The following NEBL variants were observed in gnomAD, a reference collection of about 807,000 sequenced individuals.
NEBL encodes LIM and SH3 protein 2.
In NEBL, 122 loss-of-function variants were observed where a neutral mutation model predicts 140.2. The observed-to-expected ratio is 0.87, with a 90% CI of 0.75 to 1.01. The LOEUF (loss-of-function observed/expected upper bound fraction) is 1.01, where lower values mean the gene tolerates loss of function less well. Ranked by LOEUF, NEBL falls within the 50% of genes least tolerant of loss-of-function variation. The pLI, the probability that NEBL is intolerant of heterozygous loss-of-function variation, is 0.00. For synonymous variants in NEBL, 436 were observed against 398.9 expected (o/e 1.09, Z -1.11); for missense variants, 1,365 against 1,231.3 (o/e 1.11, Z -1.62).
chr10:20,956,039 G>A (rs947615716), intron 4 of NEBL, among the ~76,000 whole-genome samples: 2 of 152,102 alleles, frequency 1.3e-5, no homozygotes, highest in African/African-American at 4.8e-5. Flanking sequence ...TTACTGGTCT[G>A]GGATGTATTT....
intron 4 of NEBL, among the ~76,000 whole-genome samples, chr10:20,881,406 A>G (rs1485433085): frequency 6.6e-6 from 1 of 152,180 alleles, no homozygotes; most frequent in Non-Finnish European, 1.5e-5. Context: ...CAGATATGTC[A>G]AGTCTTGGCC....
intron 3 of NEBL, among the ~76,000 whole-genome samples, chr10:20,994,423 G>A (rs531874050): frequency 6.6e-6 from 1 of 152,158 alleles, no homozygotes; most frequent in African/African-American, 2.4e-5. Context: ...ATTAATTCAA[G>A]CCTCAAAAAT....
intron 3 of NEBL, among the ~76,000 whole-genome samples, chr10:21,207,422 C>A (rs1841844684): frequency 6.6e-6 from 1 of 152,074 alleles, no homozygotes; most frequent in Non-Finnish European, 1.5e-5. Context: ...AATATTTCTG[C>A]CCAGAATTCT....
intron 3 of NEBL, among the ~76,000 whole-genome samples, chr10:21,010,564 T>G (rs1589133596): frequency 6.6e-6 from 1 of 151,812 alleles, no homozygotes; most frequent in East Asian, 1.9e-4. Flanking sequence ...AAGACCAACT[T>G]TTGAAGTTCA....
intron 1 of NEBL, among the ~76,000 whole-genome samples, chr10:21,252,743 G>A (rs1470407979): frequency 2.0e-5 from 3 of 152,202 alleles, no homozygotes; most frequent in East Asian, 3.9e-4. Flanking sequence ...ATCACCTGAG[G>A]TCAGGAGTTC....
chr10:21,059,123 A>C (rs1008501408), intron 2 of NEBL, among the ~76,000 whole-genome samples: 1 of 152,204 alleles, frequency 6.6e-6, no homozygotes, highest in South Asian at 2.1e-4. Flanking sequence ...GCTTACTATT[A>C]ACCACCACCC....
intron 4 of NEBL, among the ~76,000 whole-genome samples, chr10:20,885,489 T>A (rs889693340): frequency 1.3e-5 from 2 of 152,234 alleles, no homozygotes; most frequent in African/African-American, 2.4e-5. Flanking sequence ...TAGGATAACA[T>A]GCTAACAATG....
rs192574842 is a variant in NEBL, at chr10:20,940,813, C to A, written c.357+20859G>T. On this transcript the variant is annotated intron_variant, in intron 4 of 6. Coordinates refer to the NEBL transcript ENST00000417816. ...TCAGAGAATACTATAAACACCTCTACGCAAATAAACTAGAAAATCTAGAAG... is the reference window on the plus strand; with the variant it reads ...TCAGAGAATACTATAAACACCTCTAAGCAAATAAACTAGAAAATCTAGAAG... Among the ~76,000 whole-genome samples, 11 of 152,048 alleles carry A rather than the reference C, an allele frequency of 7.2e-5. No homozygotes were observed. In the South Asian group the frequency reaches 2.3e-3, roughly 32 times the overall value.
At chr10:21,256,838 A>G (rs1474783359) in intron 1 of NEBL, among the ~76,000 whole-genome samples, 1 of 152,222 alleles carries the variant, frequency 6.6e-6, no homozygotes, top group Non-Finnish European at 1.5e-5. Context: ...GACCCTGTCT[A>G]AAAATAATAG....
intron 2 of NEBL, among the ~76,000 whole-genome samples, chr10:21,092,831 C>T (rs1453910017): frequency 1.3e-5 from 2 of 151,964 alleles, no homozygotes; most frequent in Non-Finnish European, 2.9e-5. Context: ...ATTAAAAAGC[C>T]TTTGCCTTTT....
intron 26 of NEBL, among the ~76,000 whole-genome samples, chr10:20,787,730 C>T (rs1232248329): frequency 6.6e-6 from 1 of 152,128 alleles, no homozygotes; most frequent in Non-Finnish European, 1.5e-5. Context: ...TCTCATATAA[C>T]AGATACTGTC....
intron 4 of NEBL, among the ~76,000 whole-genome samples, chr10:20,907,276 T>A (rs890233091): frequency 3.3e-5 from 5 of 152,142 alleles, no homozygotes; most frequent in African/African-American, 1.2e-4. Context: ...TGTATTTTAT[T>A]AAGGGTTTAA....
In NEBL at chr10:21,116,077, T is replaced by C. The variant is rs145968014; in HGVS notation, c.164+56306A>G. Among the ~76,000 whole-genome samples the C allele has an allele frequency of 4.6e-3, 708 of 152,302 alleles. 5 individuals are homozygous for C. Among genetic ancestry groups the C allele is most frequent in the African/African-American group, 0.016 (674 of 41,574 alleles). On this transcript the variant is annotated intron_variant, in intron 2 of 6. Coordinates refer to the NEBL transcript ENST00000417816. ...AGAAATTTAATGCATGTCTATTTTA[T>C]ATCTTCCATGACTCTCTTTATCATA...
chr10:20,977,684 C>T lies in NEBL; in HGVS notation c.250-15905G>A, dbSNP rs147764807. Among the ~76,000 whole-genome samples, 261 of 152,302 alleles carry T rather than the reference C, an allele frequency of 1.7e-3. 1 individual carries two copies. Among genetic ancestry groups the T allele is most frequent in the African/African-American group, 6.1e-3 (255 of 41,560 alleles). On this transcript the variant is annotated intron_variant, in intron 3 of 6. Coordinates refer to the NEBL transcript ENST00000417816. ...GACCCCGCACTGGGGTGAAAAAAAA[C>T]TGTGAAATCAGTGGTGTTAGCTTGT... is the stretch of plus-strand genomic sequence containing the variant.
intron 3 of NEBL, among the ~76,000 whole-genome samples, chr10:21,019,739 G>A (rs11012492): frequency 5.5e-4 from 83 of 152,050 alleles, no homozygotes; most frequent in Admixed American, 2.5e-3. Context: ...GGTGTTAGCC[G>A]CACACACACT....
At chr10:20,882,170 AAGAAAGAAGGAAAGAC>A (rs375737068) in intron 4 of NEBL, among the ~76,000 whole-genome samples, 19 of 152,104 alleles carry the variant, frequency 1.2e-4, no homozygotes, top group African/African-American at 4.1e-4. Flanking sequence ...CTGCAAAAGA[AAGAAAGAAGGAAAGAC>A]AGAAAGAAGG....
intron 7 of NEBL, 124 bp downstream of exon 7, chr10:20,868,540 T>C: frequency 1.2e-6 from 1 of 806,436 alleles, no homozygotes. Context: ...TGAACTGGGT[T>C]CAGAAACATT....
chr10:20,821,531 C>T (rs1839313998), intron 19 of NEBL, among the ~76,000 whole-genome samples: 1 of 152,096 alleles, frequency 6.6e-6, no homozygotes, highest in Non-Finnish European at 1.5e-5. Flanking sequence ...TATACTTTTT[C>T]ATTAAATTAA....
At chr10:20,951,924 T>C (rs1186100745) in intron 4 of NEBL, among the ~76,000 whole-genome samples, 1 of 152,182 alleles carries the variant, frequency 6.6e-6, no homozygotes, top group Non-Finnish European at 1.5e-5. Flanking sequence ...TTTCCCTGTG[T>C]CCTGGAAATT....
Sources: allele counts gnomAD v4.1 joint callset (sites outside exome capture counted in the v4.1 genomes callset), GRCh38; gene constraint gnomAD v4.1.1; transcripts MANE v1.5; gene names NCBI Gene and HGNC (gene_info 2026-07-23, HGNC 2026-07-21).